The following SCRG1 variants were observed in gnomAD, a reference collection of about 807,000 sequenced individuals.
SCRG1 encodes stimulator of chondrogenesis 1.
In SCRG1, 3 loss-of-function variants were observed where a neutral mutation model predicts 7.7. That is an observed-to-expected ratio of 0.39 (90% CI 0.18 to 1.01). The LOEUF (loss-of-function observed/expected upper bound fraction) is 1.01. Among genes scored for constraint, SCRG1 ranks in the 50% least tolerant of loss-of-function variants. The pLI is 0.36. For missense variants in SCRG1, 110 were observed against 117.2 expected (o/e 0.94, Z 0.28); for synonymous variants, 46 against 41.2 (o/e 1.12, Z -0.44).
At chr4:173,435,030 T>G in the SCRG1 span, among the ~76,000 whole-genome samples, 1 of 152,108 alleles carries the variant, frequency 6.6e-6, no homozygotes, top group Admixed American at 6.5e-5. Flanking sequence ...AACCACCTTA[T>G]GCGATCAAAG....
chr4:173,442,926 T>C, the SCRG1 span, among the ~76,000 whole-genome samples: 1 of 152,136 alleles, frequency 6.6e-6, no homozygotes. Context: ...GCAATTAAAT[T>C]TCAACATGAG....
In SCRG1 at chr4:173,387,830, A is replaced by T. The variant is rs1336844755; in HGVS notation, c.*511T>A. 6.7e-6 allele frequency: 1 copy of T among 149,750 alleles called. No individual in the cohort carries two copies. Among genetic ancestry groups the T allele is most frequent in the African/African-American group, 2.5e-5 (1 of 40,496 alleles). The allele number at this position is 149,750 out of a possible 1,614,324, so 9.3% of individuals were successfully genotyped here. Reference sequence around the variant, plus strand: ...TAGATTCAAATGACCCTCTTGAGTAACTAGAACTACAGATGTGGGCACCCA... The same window carrying T: ...TAGATTCAAATGACCCTCTTGAGTATCTAGAACTACAGATGTGGGCACCCA... On this transcript the variant is annotated 3_prime_UTR_variant, in exon 3 of 3. Coordinates refer to ENST00000296506, the MANE Select transcript of SCRG1 (RefSeq NM_007281.4).
At chr4:173,501,273 C>A in the SCRG1 span, among the ~76,000 whole-genome samples, 6 of 152,200 alleles carry the variant, frequency 3.9e-5, no homozygotes, top group Non-Finnish European at 8.8e-5. The surrounding 1 kb of genome is among the most constrained non-coding windows in gnomAD (Gnocchi z 5.1). Context: ...CAGTAACAAC[C>A]GTGGCCGATA....
the SCRG1 span, among the ~76,000 whole-genome samples, chr4:173,483,056 ATATATTTCATGTATATTTTATATATAT>A: frequency 9.8e-6 from 1 of 102,124 alleles, no homozygotes; most frequent in Non-Finnish European, 1.9e-5. Context: ...TTTATATATA[ATATATTTCATGTATATTTTATATATAT>A]TATATAATTT....
the SCRG1 span, among the ~76,000 whole-genome samples, chr4:173,484,173 T>C: frequency 3.1e-5 from 3 of 96,000 alleles, no homozygotes; most frequent in East Asian, 6.8e-4. Context: ...TTATATATAA[T>C]ATATAATATA....
chr4:173,484,798 T>TATATTATATACATGTAATAC, the SCRG1 span, among the ~76,000 whole-genome samples: 2 of 92,912 alleles, frequency 2.2e-5, no homozygotes, highest in Non-Finnish European at 3.7e-5. Context: ...ATACATATTA[T>TATATTATATACATGTAATAC]ATATTATATA....
the SCRG1 span, among the ~76,000 whole-genome samples, chr4:173,436,278 G>T: frequency 6.6e-6 from 1 of 152,158 alleles, no homozygotes; most frequent in Non-Finnish European, 1.5e-5. Context: ...CACACTGGGT[G>T]ATTCAAGTGC....
chr4:173,485,056 T>TATATA, the SCRG1 span, among the ~76,000 whole-genome samples: 3 of 13,424 alleles, frequency 2.2e-4, no homozygotes, highest in African/African-American at 7.3e-4. Flanking sequence ...TATAATATAT[T>TATATA]ATATATTATA....
At chr4:173,416,482 C>T in the SCRG1 span, among the ~76,000 whole-genome samples, 4 of 152,338 alleles carry the variant, frequency 2.6e-5, no homozygotes, top group South Asian at 2.1e-4. Context: ...GTGCCAGGCG[C>T]GGTGGCGCGC....
the SCRG1 span, among the ~76,000 whole-genome samples, chr4:173,474,277 A>G: frequency 6.6e-6 from 1 of 152,190 alleles, no homozygotes; most frequent in Non-Finnish European, 1.5e-5. Context: ...ATAATAGCCA[A>G]TTTTTCCAAT....
rs149329046 is a variant in SCRG1, at chr4:173,391,192, C to T, written c.223G>A (p.Glu75Lys). 24 of 1,614,108 alleles carry T rather than the reference C, an allele frequency of 1.5e-5. No homozygotes were observed. Among genetic ancestry groups the T allele is most frequent in the East Asian group, 2.2e-5 (1 of 44,872 alleles). The stretch of plus-strand genomic sequence containing the variant: ...CCTTACTTTGGGCAGCAGAGCAATT[C>T]GCTGAAGTTGCAGTAACAGATCATC... ...CEMICYCNFSELLCCPKDVFF... is the reference protein window; with the variant it reads ...CEMICYCNFSKLLCCPKDVFF... Residue 75 changes from glutamate to lysine, a missense_variant, in exon 2 of 3, where the codon GAA (glutamate) becomes AAA (lysine). Transcript: ENST00000296506.
chr4:173,392,310 C>T (rs1315495583), intron 1 of SCRG1, among the ~76,000 whole-genome samples: 2 of 152,234 alleles, frequency 1.3e-5, no homozygotes, highest in Admixed American at 1.3e-4. Context: ...ACATAGACTA[C>T]TTCCTCTTAG....
chr4:173,399,480 G>GTA (rs1316329622), upstream of SCRG1: 2 of 64,420 alleles, frequency 3.1e-5, no homozygotes, highest in East Asian at 1.0e-3. Context: ...GTGTGTGTGT[G>GTA]TGTGTGTGTG....
chr4:173,506,787 G>T, the SCRG1 span, among the ~76,000 whole-genome samples: 1 of 152,170 alleles, frequency 6.6e-6, no homozygotes, highest in Admixed American at 6.5e-5. The surrounding 1 kb of genome is among the most constrained non-coding windows in gnomAD (Gnocchi z 5.3). Context: ...TTTTCCAGCA[G>T]CTCATTCCGG....
At chr4:173,412,997 T>C in the SCRG1 span, among the ~76,000 whole-genome samples, 1 of 152,100 alleles carries the variant, frequency 6.6e-6, no homozygotes, top group African/African-American at 2.4e-5. Context: ...TGGGATTAAT[T>C]CTTAAGAAAT....
chr4:173,496,325 A>G, the SCRG1 span, among the ~76,000 whole-genome samples: 1 of 148,324 alleles, frequency 6.7e-6, no homozygotes, highest in East Asian at 1.9e-4. Flanking sequence ...GGGTTCTTTG[A>G]AAAAAAAAAG....
At chr4:173,485,620 T>A in the SCRG1 span, among the ~76,000 whole-genome samples, 49 of 152,244 alleles carry the variant, frequency 3.2e-4, no homozygotes, top group Middle Eastern at 0.01. Context: ...AGAGGATACA[T>A]AGATTTTTAT....
chr4:173,496,923 G>A, the SCRG1 span, among the ~76,000 whole-genome samples: 62 of 152,130 alleles, frequency 4.1e-4, 1 homozygote, highest in African/African-American at 1.3e-3. Flanking sequence ...TGGCTAACAC[G>A]GTGAAACCCC....
chr4:173,391,193 G>A lies in SCRG1; in HGVS notation c.222C>T (p.Ser74=), dbSNP rs1000582109. 3.1e-6 allele frequency: 5 copies of A among 1,614,112 alleles called. No individual in the cohort carries two copies. Among genetic ancestry groups the A allele is most frequent in the Non-Finnish European group, 4.2e-6 (5 of 1,180,018 alleles). The change falls in exon 2 of 3, where the codon AGC becomes AGT. Residue 74 remains serine (S), a synonymous_variant. Transcript: ENST00000296506. ...CTTACTTTGGGCAGCAGAGCAATTC[G>A]CTGAAGTTGCAGTAACAGATCATCT... ...GCEMICYCNF[S]ELLCCPKDVF... is the part of the protein sequence containing the mutation.
Sources: gnomAD v4.1 joint callset for allele counts (sites outside exome capture counted in the v4.1 genomes callset) on GRCh38, gnomAD v4.1.1 for gene constraint, Gnocchi (gnomAD v3.1) non-coding constraint, MANE v1.5 for transcripts, NCBI Gene and HGNC (gene_info 2026-07-23, HGNC 2026-07-21) for gene names.